LRRC4C: variants seen among roughly 807,000 people sequenced by gnomAD.
The protein encoded by LRRC4C is leucine-rich repeat-containing protein 4C.
LRRC4C carries 5 observed loss-of-function variants against 33.6 expected under a neutral mutation model. The ratio of observed to expected loss-of-function variants is 0.15; its 90% CI spans 0.08 to 0.31. The LOEUF is 0.31. Among genes scored for constraint, LRRC4C ranks in the 10% least tolerant of loss-of-function variants. The pLI, the probability that LRRC4C is intolerant of heterozygous loss-of-function variation, is 1.00. For synonymous variants in LRRC4C, 329 were observed against 302.0 expected (o/e 1.09, Z -0.93); for missense variants, 560 against 796.7 (o/e 0.70, Z 3.58).
chr11:40,377,711 A>C (rs1948714468), intron 3 of LRRC4C, among the ~76,000 whole-genome samples: 1 of 152,138 alleles, frequency 6.6e-6, no homozygotes, highest in African/African-American at 2.4e-5. Flanking sequence ...TGGAGAAATT[A>C]TAAAATAATC....
At chr11:41,321,863 A>T (rs574654702) in intron 1 of LRRC4C, among the ~76,000 whole-genome samples, 15 of 151,664 alleles carry the variant, frequency 9.9e-5, no homozygotes, top group Middle Eastern at 6.8e-3. Context: ...TTTATATTAA[A>T]CTGTTTCTTT....
At chr11:41,082,492 C>T (rs1374727761) in intron 1 of LRRC4C, among the ~76,000 whole-genome samples, 2 of 142,504 alleles carry the variant, frequency 1.4e-5, no homozygotes, top group Non-Finnish European at 1.5e-5. Flanking sequence ...TGAGCAGTGA[C>T]TGACTTTGTG....
chr11:40,591,942 C>T (rs550096750), intron 3 of LRRC4C, among the ~76,000 whole-genome samples: 10 of 152,156 alleles, frequency 6.6e-5, no homozygotes, highest in Admixed American at 1.3e-4. Context: ...TTTACTTTTG[C>T]GTCTATCCTA....
At chr11:40,391,911 C>T (rs1044399671) in intron 3 of LRRC4C, among the ~76,000 whole-genome samples, 3 of 152,034 alleles carry the variant, frequency 2.0e-5, no homozygotes, top group Non-Finnish European at 2.9e-5. Context: ...CTTCACCAGG[C>T]GGGTGGATAA....
intron 3 of LRRC4C, among the ~76,000 whole-genome samples, chr11:40,608,898 A>G (rs1207702438): frequency 6.6e-6 from 1 of 152,166 alleles, no homozygotes; most frequent in Non-Finnish European, 1.5e-5. Context: ...TGTATATACT[A>G]TCAACATCAA....
intron 1 of LRRC4C, among the ~76,000 whole-genome samples, chr11:41,176,325 G>A (rs1477397095): frequency 6.6e-6 from 1 of 152,112 alleles, no homozygotes; most frequent in Non-Finnish European, 1.5e-5. Context: ...AAGAAGATAA[G>A]AAGGAGAACC....
At chr11:40,286,608 A>C (rs1251821473) in intron 4 of LRRC4C, among the ~76,000 whole-genome samples, 1 of 152,202 alleles carries the variant, frequency 6.6e-6, no homozygotes, top group Admixed American at 6.5e-5. Flanking sequence ...TAAATGTTAA[A>C]TCTTCCCATT....
intron 2 of LRRC4C, among the ~76,000 whole-genome samples, chr11:40,819,938 CCAGAGGGA>C (rs1174920391): frequency 6.6e-6 from 1 of 151,638 alleles, no homozygotes; most frequent in African/African-American, 2.4e-5. Flanking sequence ...CAACTACATA[CCAGAGGGA>C]AGACAAATTT....
chr11:41,276,296 C>T (rs1311558459), intron 1 of LRRC4C, among the ~76,000 whole-genome samples: 1 of 152,170 alleles, frequency 6.6e-6, no homozygotes, highest in African/African-American at 2.4e-5. Flanking sequence ...TTATTTCTCC[C>T]TGGTCACCAT....
At chr11:40,506,770 CACA>C (rs1426798326) in intron 3 of LRRC4C, among the ~76,000 whole-genome samples, 2 of 151,930 alleles carry the variant, frequency 1.3e-5, no homozygotes, top group African/African-American at 4.8e-5. Flanking sequence ...AGAGCATTGG[CACA>C]ACAATAGGCT....
At chr11:40,464,108 T>C (rs1192836325) in intron 3 of LRRC4C, among the ~76,000 whole-genome samples, 1 of 151,990 alleles carries the variant, frequency 6.6e-6, no homozygotes, top group East Asian at 1.9e-4. Flanking sequence ...GTAAACTGAA[T>C]GAAGTAGCCC....
intron 3 of LRRC4C, among the ~76,000 whole-genome samples, chr11:40,562,222 GTTTA>G (rs527692291): frequency 1.3e-5 from 2 of 152,080 alleles, no homozygotes; most frequent in Non-Finnish European, 2.9e-5. Flanking sequence ...TAATTGGTAG[GTTTA>G]TTTATTTGAT....
chr11:40,845,272 A>G (rs1457426880), intron 2 of LRRC4C, among the ~76,000 whole-genome samples: 4 of 152,036 alleles, frequency 2.6e-5, no homozygotes, highest in Non-Finnish European at 5.9e-5. Context: ...TGTCATCTAC[A>G]TTAGGTATTT....
chr11:41,144,804 C>T (rs771170025), intron 1 of LRRC4C, among the ~76,000 whole-genome samples: 3 of 152,148 alleles, frequency 2.0e-5, no homozygotes, highest in Non-Finnish European at 4.4e-5. Flanking sequence ...ATTATATGCA[C>T]TTGTCTTATT....
chr11:40,203,186 T>C (rs1485402922), intron 5 of LRRC4C, among the ~76,000 whole-genome samples: 5 of 152,122 alleles, frequency 3.3e-5, no homozygotes, highest in Admixed American at 3.3e-4. Flanking sequence ...CTGAAAGAAC[T>C]GAAGTTCACC....
At chr11:40,984,887 C>A (rs896658040) in intron 1 of LRRC4C, among the ~76,000 whole-genome samples, 3 of 58,376 alleles carry the variant, frequency 5.1e-5, no homozygotes, top group African/African-American at 1.4e-4. Context: ...TCTGTTCTCA[C>A]TGACACTTTT....
chr11:40,433,840 A>G (rs1487380988), intron 3 of LRRC4C, among the ~76,000 whole-genome samples: 1 of 149,974 alleles, frequency 6.7e-6, no homozygotes, highest in Non-Finnish European at 1.5e-5. Context: ...CCTGCAAATG[A>G]GGAGAAGAAA....
chr11:40,181,788 T>A (rs1185052012), intron 5 of LRRC4C, among the ~76,000 whole-genome samples: 2 of 152,058 alleles, frequency 1.3e-5, no homozygotes, highest in African/African-American at 4.8e-5. Flanking sequence ...AAATGAACAA[T>A]AGAAAAGAGA....
At chr11:40,425,552 A>G (rs533380679) in intron 3 of LRRC4C, among the ~76,000 whole-genome samples, 1 of 152,350 alleles carries the variant, frequency 6.6e-6, no homozygotes, top group Admixed American at 6.5e-5. Flanking sequence ...GACTTGCTAC[A>G]CATTGCCAGT....
Sources: allele counts gnomAD v4.1 joint callset (sites outside exome capture counted in the v4.1 genomes callset), GRCh38; gene constraint gnomAD v4.1.1; transcripts MANE v1.5; gene names NCBI Gene and HGNC (gene_info 2026-07-23, HGNC 2026-07-21).